Variants in CRTC3 observed in about 807,000 individuals in gnomAD.
CRTC3 encodes the protein CREB-regulated transcription coactivator 3.
Under a neutral mutation model 74.5 loss-of-function variants are expected in CRTC3, and 26 were observed. That is an observed-to-expected ratio of 0.35 (90% CI 0.26 to 0.48). The LOEUF (loss-of-function observed/expected upper bound fraction) is 0.48. Ranked by LOEUF, CRTC3 falls within the 20% of genes least tolerant of loss-of-function variation. The probability of loss-of-function intolerance (pLI) is 0.99; values close to 1 mark genes in which losing one functional copy is unlikely to be tolerated. For missense variants in CRTC3, 760 were observed against 787.3 expected, an observed-to-expected ratio of 0.97 and a Z score of 0.41; for synonymous variants, 377 against 325.8, an observed-to-expected ratio of 1.16 and a Z score of -1.69.
At position 90,642,229 on chromosome 15, in the gene CRTC3, G is replaced by C; in HGVS notation, c.*89G>C. 9.0e-7 allele frequency: 1 copy of C among 1,115,096 alleles called. No individual in the cohort carries two copies. The highest frequency in any genetic ancestry group is 1.3e-6 in the Non-Finnish European group (1 of 757,002). 69.1% of individuals were successfully genotyped at this position (1,115,096 alleles called of 1,614,324 possible). A position where few individuals can be genotyped will look rare whatever the true frequency, so the allele number is the denominator to read the frequency against. Reference sequence around the variant, plus strand: ...AAGCCAGCTGATACCACGGGCTTTCGTTATCTTGACATAGAAGGAAGCAAT... The same window carrying C: ...AAGCCAGCTGATACCACGGGCTTTCCTTATCTTGACATAGAAGGAAGCAAT... On this transcript the variant is annotated 3_prime_UTR_variant, in exon 15 of 15. Coordinates refer to ENST00000268184, the MANE Select transcript of CRTC3 (RefSeq NM_022769.5).
intron 3 of CRTC3, 21 bp downstream of exon 3, chr15:90,593,776 A>G (rs772861653): frequency 6.3e-7 from 1 of 1,579,248 alleles, no homozygotes; most frequent in Non-Finnish European, 8.7e-7. Context: ...TTACTCTTCA[A>G]AGGGAGTGTG....
chr15:90,566,232 G>A (rs538022406), intron 2 of CRTC3, among the ~76,000 whole-genome samples: 1 of 152,140 alleles, frequency 6.6e-6, no homozygotes, highest in African/African-American at 2.4e-5. Flanking sequence ...AGCTAGCAGA[G>A]GTTGGTTCAT....
In CRTC3 at chr15:90,625,917, T is replaced by C; in HGVS notation, c.891T>C (p.Phe297=). 1 of 1,614,218 alleles carries C rather than the reference T, an allele frequency of 6.2e-7. No individual in the cohort carries two copies. Among genetic ancestry groups the C allele is most frequent in the East Asian group, 2.2e-5 (1 of 44,892 alleles). The change falls in exon 10 of 15, where the codon TTT becomes TTC. Residue 297 remains phenylalanine (F), a synonymous_variant. Coordinates refer to ENST00000268184, the MANE Select transcript of CRTC3 (RefSeq NM_022769.5). ...PASLDTTDHH[F]GSMSVGNSVN... ...CCCTGGACACCACCGACCACCACTT[T>C]GGCAGTATGAGTGTGGGGAATAGTG...
intron 11 of CRTC3, among the ~76,000 whole-genome samples, chr15:90,631,538 G>C (rs889321557): frequency 2.6e-5 from 4 of 151,950 alleles, no homozygotes; most frequent in African/African-American, 9.7e-5. Flanking sequence ...GTCCAGCCTG[G>C]TTAACATGAC....
rs1364635071 is a variant in CRTC3, at chr15:90,530,063, G to A, written c.-9G>A. The A allele has an allele frequency of 7.0e-7, 1 of 1,421,454 alleles. No individual in the cohort carries two copies. The highest frequency in any genetic ancestry group is 9.3e-7 in the Non-Finnish European group (1 of 1,071,554). 88.1% of individuals were successfully genotyped at this position (1,421,454 alleles called of 1,614,324 possible). A position where few individuals can be genotyped will look rare whatever the true frequency, so the allele number is the denominator to read the frequency against. On this transcript the variant is annotated 5_prime_UTR_variant, in exon 1 of 15. Coordinates refer to ENST00000268184, the MANE Select transcript of CRTC3 (RefSeq NM_022769.5). This position sits in a 1 kb window ranked among gnomAD's most constrained non-coding sequence, Gnocchi z 6.2. ...CGTCTCCCGCTTCTGCCCGCGCAGA[G>A]TCCGCGCCATGGCCGCCTCGCCGGG...
intron 9 of CRTC3, among the ~76,000 whole-genome samples, chr15:90,623,233 T>A (rs1482155316): frequency 1.3e-5 from 2 of 152,190 alleles, no homozygotes; most frequent in Non-Finnish European, 2.9e-5. Context: ...GCATATTTAC[T>A]CTCAGGTGTT....
At position 90,629,393 on chromosome 15, in the gene CRTC3, C is replaced by T. The variant is rs1968955581; in HGVS notation, c.1127C>T (p.Thr376Ile). The T allele has an allele frequency of 6.2e-7, 1 of 1,614,140 alleles. No homozygotes were observed. Among genetic ancestry groups the T allele is most frequent in the Non-Finnish European group, 8.5e-7 (1 of 1,180,018 alleles). The change falls in exon 11 of 15, where the codon ACC becomes ATC. Residue 376 changes from threonine to isoleucine, a missense_variant. Transcript: ENST00000268184. Reference protein sequence around the residue: ...LFSLSNPSLSTTNLSGPSRRR... With the variant: ...LFSLSNPSLSITNLSGPSRRR... ...TCCCTTAGCAACCCATCTCTTTCCA[C>T]CACAAACCTGAGCGGCCCGTCTCGG...
At chr15:90,551,934 A>ACACACACGCG (rs1555446970) in intron 2 of CRTC3, among the ~76,000 whole-genome samples, 2 of 9,724 alleles carry the variant, frequency 2.1e-4, no homozygotes, top group Admixed American at 6.9e-4. Flanking sequence ...ACACACGCAC[A>ACACACACGCG]CACACACACG....
chr15:90,575,962 T>G (rs1211223141), intron 2 of CRTC3, among the ~76,000 whole-genome samples: 1 of 152,226 alleles, frequency 6.6e-6, no homozygotes, highest in Non-Finnish European at 1.5e-5. Context: ...ATTTGTGTTT[T>G]AGGAAGATTA....
At chr15:90,621,432 C>T (rs899261131) in intron 9 of CRTC3, among the ~76,000 whole-genome samples, 1 of 152,174 alleles carries the variant, frequency 6.6e-6, no homozygotes. Context: ...AAGCGATTCT[C>T]CTACCTCAGC....
intron 4 of CRTC3, among the ~76,000 whole-genome samples, chr15:90,603,307 G>C (rs1968130181): frequency 6.7e-6 from 1 of 149,218 alleles, no homozygotes; most frequent in Admixed American, 6.7e-5. Flanking sequence ...GCCGGGCGTG[G>C]TGGCAGGCGC....
intron 11 of CRTC3, among the ~76,000 whole-genome samples, chr15:90,631,912 T>G (rs985546570): frequency 3.3e-5 from 5 of 151,864 alleles, no homozygotes; most frequent in African/African-American, 4.8e-5. Flanking sequence ...ATTTTTATTT[T>G]TTTTTAGAGA....
chr15:90,545,037 G>GT (rs1392543326), intron 2 of CRTC3, among the ~76,000 whole-genome samples: 1 of 152,146 alleles, frequency 6.6e-6, no homozygotes, highest in Non-Finnish European at 1.5e-5. Context: ...GGCAACTACT[G>GT]TTTTTTCTGT....
intron 2 of CRTC3, among the ~76,000 whole-genome samples, chr15:90,550,435 T>C (rs999342279): frequency 8.1e-6 from 1 of 124,160 alleles, no homozygotes; most frequent in Non-Finnish European, 1.6e-5. Context: ...ATTTCCCTTA[T>C]TTTCCTTTGC....
At chr15:90,561,826 A>T (rs28683700) in intron 2 of CRTC3, among the ~76,000 whole-genome samples, 3,478 of 152,332 alleles carry the variant, frequency 0.023, 133 homozygotes, top group African/African-American at 0.078. Flanking sequence ...ATTGGTCCCT[A>T]TGTTATGAAA....
chr15:90,633,451 A>G (rs1367965735), intron 11 of CRTC3, among the ~76,000 whole-genome samples: 2 of 152,192 alleles, frequency 1.3e-5, no homozygotes, highest in African/African-American at 2.4e-5. Flanking sequence ...CTTGGCATCT[A>G]TTGCCTATTC....
At chr15:90,574,511 GAAC>G (rs1238774293) in intron 2 of CRTC3, among the ~76,000 whole-genome samples, 9 of 151,954 alleles carry the variant, frequency 5.9e-5, no homozygotes, top group African/African-American at 2.2e-4. Flanking sequence ...ATGCTTCAAT[GAAC>G]AACATTATGC....
chr15:90,578,508 C>A (rs781459618), intron 2 of CRTC3, among the ~76,000 whole-genome samples: 4 of 151,518 alleles, frequency 2.6e-5, no homozygotes, highest in African/African-American at 7.3e-5. Flanking sequence ...AAGCTGAGAT[C>A]GCAACATTGC....
In CRTC3 at chr15:90,638,503, G is replaced by A. The variant is rs755017547; in HGVS notation, c.1324G>A (p.Val442Met). The change falls in exon 12 of 15, where the codon GTG (valine) becomes ATG (methionine). Residue 442 changes from valine to methionine, a missense_variant. Val to Met is a conservative substitution (Grantham distance 21). Around this residue, in one of 2 missense-constraint regions of CRTC3, gnomAD observed 652 missense variants for 635.2 expected, o/e 1.03. Coordinates refer to ENST00000268184, the MANE Select transcript of CRTC3 (RefSeq NM_022769.5). ...SFLPTEAQAQ[V>M]SPPPPYPAPQ... ...TCTGCCCACAGAAGCTCAAGCCCAG[G>A]TGTCGCCGCCACCCCCTTACCCTGC... The A allele has an allele frequency of 5.6e-6, 9 of 1,613,790 alleles. No individual in the cohort carries two copies. The African/African-American group carries it at 1.2e-4, about 22-fold the overall frequency.
Sources: gnomAD v4.1 joint callset for allele counts (sites outside exome capture counted in the v4.1 genomes callset) on GRCh38, gnomAD v4.1.1 for gene constraint, gnomAD v4.1.1 regional missense constraint, Gnocchi (gnomAD v3.1) non-coding constraint, MANE v1.5 for transcripts, NCBI Gene and HGNC (gene_info 2026-07-23, HGNC 2026-07-21) for gene names.